Variants in RERE observed in about 807,000 individuals in gnomAD.
RERE encodes the protein arginine-glutamic acid dipeptide repeats protein.
Under a neutral mutation model 146.1 loss-of-function variants are expected in RERE, and 40 were observed. That is an observed-to-expected ratio of 0.27 (90% confidence interval 0.21 to 0.36). RERE has a LOEUF of 0.36. Ranked by LOEUF, RERE falls within the 10% of genes least tolerant of loss-of-function variation. The pLI, the probability that RERE is intolerant of heterozygous loss-of-function variation, is 1.00. For synonymous variants in RERE, 1,003 were observed against 866.0 expected (o/e 1.16, Z -2.78); for missense variants, 1,933 against 2,138.7 (o/e 0.90, Z 1.90).
At chr1:8,601,671 C>CACA (rs1468928033) in intron 4 of RERE, among the ~76,000 whole-genome samples, 3 of 132,746 alleles carry the variant, frequency 2.3e-5, no homozygotes, top group East Asian at 2.1e-4. Flanking sequence ...CACACACACA[C>CACA]ATCTTCCTTC....
chr1:8,439,387 A>T (rs1265925065), intron 11 of RERE, among the ~76,000 whole-genome samples: 2 of 152,224 alleles, frequency 1.3e-5, no homozygotes, highest in African/African-American at 4.8e-5. Flanking sequence ...AAGAAACCTG[A>T]TCTAAATGCA....
chr1:8,610,743 C>A (rs1275884261), intron 4 of RERE, among the ~76,000 whole-genome samples: 1 of 151,766 alleles, frequency 6.6e-6, no homozygotes, highest in African/African-American at 2.4e-5. Flanking sequence ...TTGCAACAAC[C>A]CTTTGTCATA....
chr1:8,802,950 G>C (rs1471187167), intron 1 of RERE, among the ~76,000 whole-genome samples: 1 of 152,256 alleles, frequency 6.6e-6, no homozygotes, highest in South Asian at 2.1e-4. Context: ...CAGGGCCCTG[G>C]TATGCCTCCT....
chr1:8,631,162 C>T (rs1053630170), intron 2 of RERE, among the ~76,000 whole-genome samples: 1 of 152,190 alleles, frequency 6.6e-6, no homozygotes, highest in Non-Finnish European at 1.5e-5. Context: ...TTTCTCTTTT[C>T]TCCTTTAAAA....
chr1:8,510,400 G>C (rs1327009940), intron 7 of RERE, among the ~76,000 whole-genome samples: 1 of 152,126 alleles, frequency 6.6e-6, no homozygotes, highest in Non-Finnish European at 1.5e-5. Flanking sequence ...GCGGTGACAG[G>C]GAAATGCTTG....
At position 8,364,700 on chromosome 1, in the gene RERE, T is replaced by C. The variant is rs780694591; in HGVS notation, c.1540+46A>G. The C allele has an allele frequency of 5.1e-6, 7 of 1,380,092 alleles. No homozygotes were observed. In the Admixed American group the frequency reaches 1.2e-4, roughly 23 times the overall value. The allele number at this position is 1,380,092 out of a possible 1,614,324, so 85.5% of individuals were successfully genotyped here. On this transcript the variant is annotated intron_variant, in intron 14 of 22. Coordinates refer to ENST00000400908, the MANE Select transcript of RERE (RefSeq NM_001042681.2). This position sits in a 1 kb window ranked among gnomAD's most constrained non-coding sequence, Gnocchi z 5.1. ...GCATGAAATGTTCAGAACATGGAAG[T>C]GCTTGTGCCCCCGCCCCGCCCCAGG...
Position 8,708,462 on chromosome 1 carries a change from G to A in RERE, c.-144-52021C>T, listed in dbSNP as rs558836003. Among the ~76,000 whole-genome samples the A allele has an allele frequency of 2.6e-5, 4 of 152,130 alleles. No homozygotes were observed. In the South Asian group the frequency reaches 8.3e-4, roughly 32 times the overall value. On this transcript the variant is annotated intron_variant, in intron 1 of 22. Transcript: ENST00000400908. ...CTGTCTCAGCCTCCCAAGTAGCTGG[G>A]GACTACAGGTGTGTGCCACCACACC... is the stretch of plus-strand genomic sequence containing the variant.
intron 10 of RERE, among the ~76,000 whole-genome samples, chr1:8,481,723 C>T (rs1305851649): frequency 1.3e-5 from 2 of 152,188 alleles, no homozygotes; most frequent in Admixed American, 1.3e-4. Context: ...GGTCCTATGA[C>T]TGGCTCAAAA....
At chr1:8,564,808 GTATGTA>G (rs1646124725) in intron 4 of RERE, among the ~76,000 whole-genome samples, 2 of 142,108 alleles carry the variant, frequency 1.4e-5, no homozygotes, top group East Asian at 2.0e-4. Context: ...TGGTGTGTGT[GTATGTA>G]TGTGTGTGTA....
At chr1:8,806,109 C>T (rs1048966622) in intron 1 of RERE, among the ~76,000 whole-genome samples, 1 of 152,086 alleles carries the variant, frequency 6.6e-6, no homozygotes, top group South Asian at 2.1e-4. Flanking sequence ...GTGTTGGCCT[C>T]CCAAAGTGCT....
chr1:8,613,779 C>G (rs1646819158), intron 4 of RERE, among the ~76,000 whole-genome samples: 1 of 152,072 alleles, frequency 6.6e-6, no homozygotes, highest in Non-Finnish European at 1.5e-5. Flanking sequence ...ACTAGTCATT[C>G]AGAATAATAA....
At chr1:8,435,885 T>C (rs301801) in intron 11 of RERE, among the ~76,000 whole-genome samples, 46,437 of 152,122 alleles carry the variant, frequency 0.31, 7,433 homozygotes, top group African/African-American at 0.33. Flanking sequence ...TGCCACTGGG[T>C]GAATATCAGA....
chr1:8,453,533 T>A (rs753415990), intron 11 of RERE, among the ~76,000 whole-genome samples: 1 of 152,166 alleles, frequency 6.6e-6, no homozygotes, highest in African/African-American at 2.4e-5. Flanking sequence ...AGGCCGGGCA[T>A]GGCGGCTCAC....
chr1:8,690,122 G>T (rs926916640), intron 1 of RERE, among the ~76,000 whole-genome samples: 4 of 152,176 alleles, frequency 2.6e-5, no homozygotes, highest in African/African-American at 9.7e-5. Context: ...GGCTTAAACA[G>T]CAAAAATTTA....
chr1:8,559,261 C>A (rs1646043740), intron 4 of RERE, among the ~76,000 whole-genome samples: 1 of 33,472 alleles, frequency 3.0e-5, no homozygotes, highest in Non-Finnish European at 5.3e-5. Flanking sequence ...GCCTGGGCAA[C>A]AAGAGCAAAA....
chr1:8,718,619 T>C (rs572789894), intron 1 of RERE, among the ~76,000 whole-genome samples: 1 of 152,340 alleles, frequency 6.6e-6, no homozygotes, highest in South Asian at 2.1e-4. Context: ...ACTCTCTTCA[T>C]CTGGTACTCT....
chr1:8,443,397 G>A (rs973424446), intron 11 of RERE, among the ~76,000 whole-genome samples: 1 of 149,026 alleles, frequency 6.7e-6, no homozygotes, highest in Admixed American at 6.7e-5. Flanking sequence ...AAGAGGCAGA[G>A]GTTGCAGTGA....
At chr1:8,628,420 G>A (rs953340263) in intron 2 of RERE, among the ~76,000 whole-genome samples, 1 of 152,142 alleles carries the variant, frequency 6.6e-6, no homozygotes, top group African/African-American at 2.4e-5. Flanking sequence ...ACACTGCTTT[G>A]ACCTGATTTG....
chr1:8,360,035 C>T (rs759693790), intron 18 of RERE, 49 bp from the exon 19 acceptor site: 19 of 1,592,614 alleles, frequency 1.2e-5, no homozygotes, highest in Middle Eastern at 3.3e-4. Flanking sequence ...AGACCCACCC[C>T]GGCCCTCCCT....
Sources: gnomAD v4.1 joint callset for allele counts (sites outside exome capture counted in the v4.1 genomes callset) on GRCh38, gnomAD v4.1.1 for gene constraint, Gnocchi (gnomAD v3.1) non-coding constraint, MANE v1.5 for transcripts, NCBI Gene and HGNC (gene_info 2026-07-23, HGNC 2026-07-21) for gene names.